CASD1: variants seen among roughly 807,000 people sequenced by gnomAD.
CASD1 encodes N-acetylneuraminate (7)9-O-acetyltransferase.
In CASD1, 41 loss-of-function variants were observed where a neutral mutation model predicts 100.0. The ratio of observed to expected loss-of-function variants is 0.41; its 90% CI spans 0.32 to 0.53. CASD1 has a LOEUF of 0.53. Ranked by LOEUF, CASD1 falls within the 20% of genes least tolerant of loss-of-function variation. CASD1 has a pLI of 0.25. For missense variants in CASD1, 774 were observed against 948.7 expected, an observed-to-expected ratio of 0.82 and a Z score of 2.42; for synonymous variants, 321 against 315.6, an observed-to-expected ratio of 1.02 and a Z score of -0.18.
chr7:94,590,539 A>T, the CASD1 span: 1 of 152,216 alleles, frequency 6.6e-6, no homozygotes, highest in Non-Finnish European at 1.5e-5. Flanking sequence ...TTAGTTTATG[A>T]AAATGTACAA....
At chr7:94,575,718 C>A in the CASD1 span, among the ~76,000 whole-genome samples, 1 of 152,134 alleles carries the variant, frequency 6.6e-6, no homozygotes, top group Non-Finnish European at 1.5e-5. Flanking sequence ...GTCTTAAATT[C>A]TTCTTCAGTT....
At chr7:94,604,041 A>G in the CASD1 span, among the ~76,000 whole-genome samples, 1 of 152,086 alleles carries the variant, frequency 6.6e-6, no homozygotes, top group African/African-American at 2.4e-5. Flanking sequence ...TAAGACATTA[A>G]TATAAGGGTA....
chr7:94,510,352 C>T (rs1287350204), intron 1 of CASD1, 135 bp downstream of exon 1: 3 of 595,862 alleles, frequency 5.0e-6, no homozygotes, highest in Non-Finnish European at 7.6e-6. Flanking sequence ...GCGGTTCCCC[C>T]AGGTGTCCCC....
chr7:94,557,640 G>A (rs1050788862), downstream of CASD1, among the ~76,000 whole-genome samples: 23 of 152,156 alleles, frequency 1.5e-4, no homozygotes, highest in African/African-American at 5.1e-4. Context: ...GGATGCCGCA[G>A]TGAATATATG....
At chr7:94,537,444 A>G (rs1336726480) in intron 8 of CASD1, 28 bp from the exon 9 acceptor site, 3 of 1,565,938 alleles carry the variant, frequency 1.9e-6, no homozygotes, top group Middle Eastern at 1.7e-4. Context: ...TGACAAGATA[A>G]TAACCAAATA....
the CASD1 span, among the ~76,000 whole-genome samples, chr7:94,604,683 A>G: frequency 1.3e-5 from 2 of 151,324 alleles, no homozygotes; most frequent in African/African-American, 4.9e-5. Context: ...GGATATCCAC[A>G]TATCCTGTCC....
chr7:94,537,521 T>A lies in CASD1; in HGVS notation c.893T>A (p.Val298Glu). 6.2e-7 allele frequency: 1 copy of A among 1,613,628 alleles called. No individual in the cohort carries two copies. Among genetic ancestry groups the A allele is most frequent in the South Asian group, 1.1e-5 (1 of 91,042 alleles). ...TATTGCAATAAGATTTTGAAGCCTG[T>A]AGATGGGTCCTGTTGTCAACCTCGG... The part of the protein sequence containing the change: ...NVYCNKILKP[V>E]DGSCCQPRPP... The change falls in exon 9 of 18, where the codon GTA becomes GAA. Residue 298 changes from valine to glutamate, a missense_variant. Val to Glu is a moderately radical substitution (Grantham distance 121). Around this residue, in one of 5 missense-constraint regions of CASD1, gnomAD observed 453 missense variants for 532.6 expected, o/e 0.85. Coordinates refer to ENST00000297273, the MANE Select transcript of CASD1 (RefSeq NM_022900.5).
chr7:94,633,720 G>A, the CASD1 span, among the ~76,000 whole-genome samples: 1 of 152,126 alleles, frequency 6.6e-6, no homozygotes, highest in African/African-American at 2.4e-5. Context: ...ATATATGGGT[G>A]TGCACGTGTG....
chr7:94,581,508 TC>T, the CASD1 span, among the ~76,000 whole-genome samples: 4 of 152,156 alleles, frequency 2.6e-5, no homozygotes, highest in African/African-American at 9.7e-5. Context: ...TAGATATTCT[TC>T]CTGATCCGCT....
chr7:94,537,709 G>A lies in CASD1; in HGVS notation c.1081G>A (p.Val361Met), dbSNP rs1309127350. Residue 361 changes from valine to methionine, a missense_variant, in exon 9 of 18, where the codon GTG becomes ATG. Physicochemically the swap from Val to Met is conservative, Grantham distance 21. This residue lies in a region of CASD1 where 453 missense variants were observed against 532.6 expected (regional missense o/e 0.85). Coordinates refer to ENST00000297273, the MANE Select transcript of CASD1 (RefSeq NM_022900.5). ...EEKKNIINTP[V>M]SSLEILLQSF... ...AAAGAAAAATATTATCAATACCCCT[G>A]TGTCTTCATTAGAAATACTTTTACA... The A allele has an allele frequency of 1.2e-6, 2 of 1,613,680 alleles. No individual in the cohort carries two copies. Among genetic ancestry groups the A allele is most frequent in the East Asian group, 2.2e-5 (1 of 44,848 alleles).
At chr7:94,607,242 C>T in the CASD1 span, among the ~76,000 whole-genome samples, 1 of 152,088 alleles carries the variant, frequency 6.6e-6, no homozygotes, top group Non-Finnish European at 1.5e-5. Context: ...ATTATGCCAA[C>T]TCTCTACAAT....
the CASD1 span, chr7:94,623,270 A>C: frequency 1.8e-6 from 2 of 1,112,898 alleles, no homozygotes; most frequent in Non-Finnish European, 2.7e-6. Flanking sequence ...TAGTTATAAA[A>C]CATAATGAAA....
At chr7:94,600,929 C>T in the CASD1 span, 29 of 1,231,130 alleles carry the variant, frequency 2.4e-5, 1 homozygote, top group South Asian at 3.7e-4. Context: ...GATCTGGATA[C>T]ACTAAAGCAT....
the CASD1 span, among the ~76,000 whole-genome samples, chr7:94,602,209 G>A: frequency 2.0e-5 from 3 of 152,090 alleles, no homozygotes; most frequent in East Asian, 3.9e-4. Flanking sequence ...CCCTTGTATC[G>A]TTAGCACCAT....
chr7:94,607,470 CT>C, the CASD1 span, among the ~76,000 whole-genome samples: 1 of 152,152 alleles, frequency 6.6e-6, no homozygotes, highest in Admixed American at 6.5e-5. Context: ...TCAACTGGGA[CT>C]TTCCCCAGTT....
At chr7:94,605,615 A>T in the CASD1 span, among the ~76,000 whole-genome samples, 2 of 152,146 alleles carry the variant, frequency 1.3e-5, no homozygotes, top group Non-Finnish European at 2.9e-5. Context: ...GTGAATTTGG[A>T]TTGGTTATAT....
the CASD1 span, among the ~76,000 whole-genome samples, chr7:94,631,708 A>G: frequency 6.6e-6 from 1 of 151,796 alleles, no homozygotes; most frequent in South Asian, 2.1e-4. Context: ...AATTTAAGGT[A>G]GGGGGAGGCA....
the CASD1 span, chr7:94,619,779 G>A: frequency 1.3e-5 from 2 of 152,166 alleles, no homozygotes; most frequent in African/African-American, 4.8e-5. Context: ...GTGTGTAGCT[G>A]CTTGTGTTTT....
the CASD1 span, among the ~76,000 whole-genome samples, chr7:94,563,883 A>T: frequency 6.6e-6 from 1 of 152,054 alleles, no homozygotes; most frequent in Non-Finnish European, 1.5e-5. Context: ...TGACTGCTGG[A>T]CTCTTAAAAA....
Sources: gnomAD v4.1 joint callset for allele counts (sites outside exome capture counted in the v4.1 genomes callset) on GRCh38, gnomAD v4.1.1 for gene constraint, gnomAD v4.1.1 regional missense constraint, MANE v1.5 for transcripts, NCBI Gene and HGNC (gene_info 2026-07-23, HGNC 2026-07-21) for gene names.